The following ATP8B4 variants were observed in gnomAD, a reference collection of about 807,000 sequenced individuals.
ATP8B4 encodes ATPase phospholipid transporting 8B4 (putative).
In ATP8B4, 133 loss-of-function variants were observed where a neutral mutation model predicts 145.6. The ratio of observed to expected loss-of-function variants is 0.91; its 90% confidence interval spans 0.79 to 1.05. ATP8B4 has a LOEUF of 1.05. Ranked by LOEUF, ATP8B4 falls within the 50% of genes least tolerant of loss-of-function variation. The probability of loss-of-function intolerance (pLI) is 0.00; values close to 1 mark genes in which losing one functional copy is unlikely to be tolerated. For missense variants in ATP8B4, 1,458 were observed against 1,425.2 expected (o/e 1.02, Z -0.37); for synonymous variants, 507 against 492.9 (o/e 1.03, Z -0.38).
chr15:49,917,325 G>A, intron 19 of ATP8B4: 1 of 330,810 alleles, frequency 3.0e-6, no homozygotes, highest in Non-Finnish European at 5.5e-6. Context: ...TCCCAAATTA[G>A]CACTCATGAA....
In ATP8B4 at chr15:49,858,354, T is replaced by TAAGTG. The variant is rs1399698668; in HGVS notation, c.*1835_*1839dup. 1 of 152,236 alleles carries TAAGTG rather than the reference T, an allele frequency of 6.6e-6. No homozygotes were observed. Among genetic ancestry groups the TAAGTG allele is most frequent in the African/African-American group, 2.4e-5 (1 of 41,462 alleles). 9.4% of individuals were successfully genotyped at this position (152,236 alleles called of 1,614,324 possible). ...TAGACATTGAAAACCAACATCTGGT[T>TAAGTG]AAGTGTAGGCAGGCATGTAAGGGAA... On this transcript the variant is annotated 3_prime_UTR_variant, in exon 28 of 28. Coordinates refer to ENST00000284509, the MANE Select transcript of ATP8B4 (RefSeq NM_024837.4).
At chr15:50,179,669 G>A (rs979475348) in intron 1 of ATP8B4, among the ~76,000 whole-genome samples, 2 of 152,134 alleles carry the variant, frequency 1.3e-5, no homozygotes, top group Non-Finnish European at 2.9e-5. Flanking sequence ...CTCATGAATG[G>A]GATTAGTGCC....
At chr15:49,925,236 T>TA (rs1233815697) in intron 16 of ATP8B4, among the ~76,000 whole-genome samples, 3 of 147,588 alleles carry the variant, frequency 2.0e-5, no homozygotes, top group African/African-American at 7.3e-5. Flanking sequence ...AACATTTCTA[T>TA]AAAAAAACTA....
chr15:49,972,554 G>A lies in ATP8B4; in HGVS notation c.1243+28C>T, dbSNP rs372846932. On this transcript the variant is annotated intron_variant, in intron 13 of 27. Transcript: ENST00000284509. The stretch of plus-strand genomic sequence containing the variant: ...TATTCAAGAAATTGTTAACAATATC[G>A]TTAAGAGAAAGGAACTGTTTCTCTT... 152 of 1,590,742 alleles carry A rather than the reference G, an allele frequency of 9.6e-5. No homozygotes were observed. The Middle Eastern group carries it at 2.3e-3, about 25-fold the overall frequency.
At chr15:50,033,846 G>C (rs1440461363) in intron 6 of ATP8B4, among the ~76,000 whole-genome samples, 1 of 152,132 alleles carries the variant, frequency 6.6e-6, no homozygotes, top group Non-Finnish European at 1.5e-5. Context: ...AATTTACTTA[G>C]GATAATACCC....
intron 3 of ATP8B4, among the ~76,000 whole-genome samples, chr15:50,062,181 G>A (rs1317086732): frequency 2.0e-5 from 3 of 152,196 alleles, no homozygotes; most frequent in African/African-American, 4.8e-5. Flanking sequence ...AGTGTTGGAG[G>A]TGGGGCCTAG....
At chr15:50,079,455 C>T (rs1274807243) in intron 2 of ATP8B4, among the ~76,000 whole-genome samples, 1 of 152,094 alleles carries the variant, frequency 6.6e-6, no homozygotes, top group East Asian at 1.9e-4. Context: ...TTTACAAAGT[C>T]TGTGAGGTAA....
intron 1 of ATP8B4, among the ~76,000 whole-genome samples, chr15:50,175,097 A>G (rs978052543): frequency 4.6e-5 from 7 of 152,220 alleles, no homozygotes; most frequent in African/African-American, 1.7e-4. Context: ...AGCCACATGT[A>G]GAAGAATGAA....
chr15:50,131,772 A>T (rs2044051473), intron 1 of ATP8B4, among the ~76,000 whole-genome samples: 2 of 148,760 alleles, frequency 1.3e-5, no homozygotes, highest in African/African-American at 4.9e-5. Context: ...TACTAATATT[A>T]ACTGAAATAT....
At chr15:49,962,443 C>T (rs1226160270) in intron 13 of ATP8B4, among the ~76,000 whole-genome samples, 1 of 152,198 alleles carries the variant, frequency 6.6e-6, no homozygotes, top group Non-Finnish European at 1.5e-5. Context: ...GGGCCAGACA[C>T]ATCTGTGTAA....
At chr15:49,988,283 T>C (rs559462379) in intron 9 of ATP8B4, among the ~76,000 whole-genome samples, 45 of 152,322 alleles carry the variant, frequency 3.0e-4, no homozygotes, top group African/African-American at 8.9e-4. Context: ...ACATTCAGGA[T>C]GAGGGTTCTC....
chr15:50,135,086 C>T (rs1334644958), intron 1 of ATP8B4, among the ~76,000 whole-genome samples: 1 of 152,208 alleles, frequency 6.6e-6, no homozygotes, highest in Non-Finnish European at 1.5e-5. Context: ...TAACTTAGAG[C>T]CTCAAAATCT....
At chr15:50,045,728 G>A (rs1201419032) in intron 4 of ATP8B4, among the ~76,000 whole-genome samples, 2 of 152,124 alleles carry the variant, frequency 1.3e-5, no homozygotes, top group Admixed American at 6.5e-5. Context: ...TAATCTCTCT[G>A]GGTCTAATTT....
At chr15:49,896,736 C>T (rs1420874050) in intron 23 of ATP8B4, 1 of 152,178 alleles carries the variant, frequency 6.6e-6, no homozygotes, top group Non-Finnish European at 1.5e-5. Flanking sequence ...AAATAACTAT[C>T]CTTTAATGTA....
intron 6 of ATP8B4, among the ~76,000 whole-genome samples, chr15:50,016,062 A>G (rs1182592511): frequency 6.6e-6 from 1 of 152,178 alleles, no homozygotes; most frequent in Non-Finnish European, 1.5e-5. Context: ...ATTTATATAA[A>G]TCCTATTGTG....
At chr15:49,994,374 T>C (rs1289856454) in intron 9 of ATP8B4, among the ~76,000 whole-genome samples, 2 of 152,050 alleles carry the variant, frequency 1.3e-5, no homozygotes, top group African/African-American at 2.4e-5. Flanking sequence ...TCCCATGTCT[T>C]TTTGGGCCCT....
At chr15:50,083,484 T>G (rs1170635158) in intron 2 of ATP8B4, among the ~76,000 whole-genome samples, 1 of 152,074 alleles carries the variant, frequency 6.6e-6, no homozygotes, top group Non-Finnish European at 1.5e-5. Context: ...CCAAAGATTA[T>G]AAGAGCCTAG....
chr15:50,116,057 G>C (rs1295285335), intron 1 of ATP8B4, among the ~76,000 whole-genome samples: 2 of 152,194 alleles, frequency 1.3e-5, no homozygotes, highest in Non-Finnish European at 2.9e-5. Context: ...AGATGGAGGA[G>C]CAATGACAAC....
At chr15:49,991,656 A>G (rs776802040) in intron 9 of ATP8B4, among the ~76,000 whole-genome samples, 1 of 152,158 alleles carries the variant, frequency 6.6e-6, no homozygotes, top group South Asian at 2.1e-4. Context: ...GATGTTTGAA[A>G]TGTATAAAAA....
Sources: gnomAD v4.1 joint callset for allele counts (sites outside exome capture counted in the v4.1 genomes callset) on GRCh38, gnomAD v4.1.1 for gene constraint, MANE v1.5 for transcripts, NCBI Gene and HGNC (gene_info 2026-07-23, HGNC 2026-07-21) for gene names.